The following FBXL18 variants were observed in gnomAD, a reference collection of about 807,000 sequenced individuals.
FBXL18 encodes the protein F-box/LRR-repeat protein 18.
FBXL18 carries 36 observed loss-of-function variants against 46.0 expected under a neutral mutation model. The observed-to-expected ratio is 0.78, with a 90% CI of 0.60 to 1.03. The LOEUF (loss-of-function observed/expected upper bound fraction) is 1.03. Ranked by LOEUF, FBXL18 falls within the 50% of genes least tolerant of loss-of-function variation. FBXL18 has a pLI of 0.00. For synonymous variants in FBXL18, 557 were observed against 465.3 expected, an observed-to-expected ratio of 1.20 and a Z score of -2.54; for missense variants, 977 against 1,004.1, an observed-to-expected ratio of 0.97 and a Z score of 0.36.
At chr7:5,493,627 T>C (rs1189250620) in intron 3 of FBXL18, among the ~76,000 whole-genome samples, 1 of 151,126 alleles carries the variant, frequency 6.6e-6, no homozygotes, top group African/African-American at 2.4e-5. Flanking sequence ...AAAGGAAGTG[T>C]GGCTCATGAG....
rs557431673 is a variant in FBXL18, at chr7:5,490,099, C to T, written c.2000+1132G>A. 11 of 1,361,424 alleles carry T rather than the reference C, an allele frequency of 8.1e-6. No individual in the cohort carries two copies. The South Asian group carries it at 1.1e-4, about 14-fold the overall frequency. 84.3% of individuals were successfully genotyped at this position (1,361,424 alleles called of 1,614,324 possible). A position where few individuals can be genotyped will look rare whatever the true frequency, so the allele number is the denominator to read the frequency against. ...CCGACCGCAAGGACAACAGACTACC[C>T]CAGAGTCTGGCAAGCAGGGTTGTCG... On this transcript the variant is annotated intron_variant, in intron 4 of 4. Transcript: ENST00000382368.
intron 4 of FBXL18, among the ~76,000 whole-genome samples, chr7:5,468,349 C>T (rs1214958726): frequency 6.6e-6 from 1 of 152,146 alleles, no homozygotes. Context: ...GATCTCCTGA[C>T]CTCATGATCT....
chr7:5,463,728 A>ATTTATTTATTTTTTTTTTTTTT (rs1562672288), intron 4 of FBXL18, among the ~76,000 whole-genome samples: 1 of 53,034 alleles, frequency 1.9e-5, no homozygotes, highest in Non-Finnish European at 3.3e-5. Flanking sequence ...TTATTTATTT[A>ATTTATTTATTTTTTTTTTTTTT]TTTTTTTTTT....
intron 4 of FBXL18, among the ~76,000 whole-genome samples, chr7:5,467,321 A>T (rs976827877): frequency 2.0e-5 from 3 of 152,104 alleles, no homozygotes; most frequent in African/African-American, 7.2e-5. Flanking sequence ...ACTGCACTCC[A>T]GCCTGGGTGA....
intron 3 of FBXL18, among the ~76,000 whole-genome samples, chr7:5,495,245 G>T (rs1465031656): frequency 1.3e-5 from 2 of 152,180 alleles, no homozygotes; most frequent in African/African-American, 2.4e-5. Context: ...ACAGTGCGGG[G>T]GCTCCCATCT....
chr7:5,501,870 G>A lies in FBXL18; in HGVS notation c.399C>T (p.Ser133=), dbSNP rs1784274140. 6.2e-7 allele frequency: 1 copy of A among 1,603,018 alleles called. No homozygotes were observed. The highest frequency in any genetic ancestry group is 1.1e-5 in the South Asian group (1 of 88,750). Residue 133 remains serine, a synonymous_variant, in exon 3 of 5, where the codon TCC becomes TCT. Coordinates refer to ENST00000382368, the MANE Select transcript of FBXL18 (RefSeq NM_024963.6). ...KVNLSGCHLT[S]LRLSKMLSAL... ...CCGAGAGCATCTTGGAGAGGCGCAG[G>A]GAAGTGAGGTGGCAGCCCGAGAGGT...
intron 4 of FBXL18, among the ~76,000 whole-genome samples, chr7:5,483,780 C>T (rs1010981264): frequency 3.9e-5 from 6 of 152,052 alleles, no homozygotes; most frequent in African/African-American, 1.4e-4. Context: ...GAAACTTCTG[C>T]CCAGAGTCTC....
At chr7:5,463,727 TA>T (rs1380223049) in intron 4 of FBXL18, among the ~76,000 whole-genome samples, 69 of 62,518 alleles carry the variant, frequency 1.1e-3, no homozygotes, top group Non-Finnish European at 1.4e-3. Flanking sequence ...TTTATTTATT[TA>T]TTTTTTTTTT....
intron 1 of FBXL18, among the ~76,000 whole-genome samples, chr7:5,510,711 G>A (rs973411660): frequency 1.3e-5 from 2 of 150,188 alleles, no homozygotes; most frequent in Non-Finnish European, 2.9e-5. Flanking sequence ...AAAAATCTAG[G>A]TAACTGGCTG....
downstream of FBXL18, among the ~76,000 whole-genome samples, chr7:5,471,645 C>T (rs1388061833): frequency 1.3e-5 from 2 of 152,192 alleles, no homozygotes; most frequent in African/African-American, 4.8e-5. Context: ...CTCCTGACCT[C>T]ATGATCTGCC....
At chr7:5,461,322 T>G (rs930497790) in intron 4 of FBXL18, among the ~76,000 whole-genome samples, 4 of 152,202 alleles carry the variant, frequency 2.6e-5, no homozygotes, top group African/African-American at 9.6e-5. Context: ...ATCCCAGCGC[T>G]TTGGCAGGCT....
chr7:5,513,740 G>C lies in FBXL18; in HGVS notation c.-66C>G, dbSNP rs1382316713. On this transcript the variant is annotated 5_prime_UTR_variant, in exon 1 of 5. Transcript: ENST00000382368. The stretch of plus-strand genomic sequence containing the variant: ...CCCGTGCCTCCCACCTGCCCGGCTA[G>C]GGATGCTCGAAGCCGGCGCGTCCAC... 1.3e-6 allele frequency: 2 copies of C among 1,565,972 alleles called. No homozygotes were observed. Among genetic ancestry groups the C allele is most frequent in the Non-Finnish European group, 1.7e-6 (2 of 1,155,454 alleles).
intron 1 of FBXL18, among the ~76,000 whole-genome samples, chr7:5,512,612 A>AAGAACAAACAG (rs562059170): frequency 1.8e-3 from 273 of 152,308 alleles, no homozygotes; most frequent in Non-Finnish European, 2.9e-3. Flanking sequence ...CTCAAAAACA[A>AAGAACAAACAG]AGAACAAACA....
chr7:5,474,532 T>G (rs1783477287), downstream of FBXL18, among the ~76,000 whole-genome samples: 1 of 151,924 alleles, frequency 6.6e-6, no homozygotes, highest in Non-Finnish European at 1.5e-5. Context: ...CCCAGGCTGC[T>G]CTCAAACTCC....
chr7:5,513,685 G>A lies in FBXL18; in HGVS notation c.-11C>T. On this transcript the variant is annotated 5_prime_UTR_variant, in exon 1 of 5. Transcript: ENST00000382368. ...TCCGGAGCTGGCCATGTCGCCGGCG[G>A]GTCCGAACCGCGGCCGCGGGATCCG... is the stretch of plus-strand genomic sequence containing the variant. The A allele has an allele frequency of 2.5e-6, 4 of 1,603,836 alleles. No homozygotes were observed. Among genetic ancestry groups the A allele is most frequent in the Non-Finnish European group, 3.4e-6 (4 of 1,175,458 alleles).
intron 4 of FBXL18, among the ~76,000 whole-genome samples, chr7:5,483,322 T>A (rs1783694154): frequency 1.3e-5 from 2 of 148,846 alleles, no homozygotes; most frequent in South Asian, 4.3e-4. Context: ...GTGCCTGTAG[T>A]CCCAGCTACT....
chr7:5,509,151 C>T (rs1441326336), intron 1 of FBXL18, among the ~76,000 whole-genome samples: 2 of 150,086 alleles, frequency 1.3e-5, no homozygotes, highest in East Asian at 3.9e-4. Context: ...CGAGATCGCA[C>T]CACTGCACTC....
rs926142165 is a variant in FBXL18, at chr7:5,477,320, A to G, written c.*4455T>C. Among the ~76,000 whole-genome samples the G allele has an allele frequency of 1.3e-5, 2 of 152,162 alleles. No homozygotes were observed. Among genetic ancestry groups the G allele is most frequent in the Admixed American group, 1.3e-4 (2 of 15,276 alleles). ...CAGCGCTCTGCCCACGTCCACAGGA[A>G]GTGGCCGACGTCTCCTCTGCCTTTG... is the stretch of plus-strand genomic sequence containing the variant. On this transcript the variant is annotated 3_prime_UTR_variant, in exon 5 of 5. Coordinates refer to ENST00000382368, the MANE Select transcript of FBXL18 (RefSeq NM_024963.6). This position sits in a 1 kb window ranked among gnomAD's most constrained non-coding sequence, Gnocchi z 4.4.
chr7:5,506,045 T>C (rs2346233), intron 1 of FBXL18, among the ~76,000 whole-genome samples: 38,125 of 151,838 alleles, frequency 0.25, 5,026 homozygotes, highest in Middle Eastern at 0.3. Context: ...TTTTGGTTTT[T>C]TGTAGAGACG....
Sources: gnomAD v4.1 joint callset for allele counts (sites outside exome capture counted in the v4.1 genomes callset) on GRCh38, gnomAD v4.1.1 for gene constraint, Gnocchi (gnomAD v3.1) non-coding constraint, MANE v1.5 for transcripts, NCBI Gene and HGNC (gene_info 2026-07-23, HGNC 2026-07-21) for gene names.